RBFOX1: variants seen among roughly 807,000 people sequenced by gnomAD.
The protein encoded by RBFOX1 is RNA binding protein fox-1 homolog 1.
Under a neutral mutation model 57.7 loss-of-function variants are expected in RBFOX1, and 8 were observed. That is an observed-to-expected ratio of 0.14 (90% CI 0.08 to 0.25). RBFOX1 has a LOEUF of 0.25. Ranked by LOEUF, RBFOX1 falls within the 10% of genes least tolerant of loss-of-function variation. The pLI is 1.00. For synonymous variants in RBFOX1, 326 were observed against 222.4 expected, an observed-to-expected ratio of 1.47 and a Z score of -4.15; for missense variants, 611 against 548.5, an observed-to-expected ratio of 1.11 and a Z score of -1.14.
intron 4 of RBFOX1, among the ~76,000 whole-genome samples, chr16:7,168,254 T>C (rs2079970075): frequency 6.6e-6 from 1 of 152,148 alleles, no homozygotes; most frequent in Non-Finnish European, 1.5e-5. Context: ...ATCTAGAATT[T>C]TTGGAGAGTC....
chr16:5,752,473 A>T (rs193166838), intron 3 of RBFOX1, among the ~76,000 whole-genome samples: 5 of 152,224 alleles, frequency 3.3e-5, no homozygotes, highest in Non-Finnish European at 7.3e-5. Flanking sequence ...ACAATCAACT[A>T]TTAAAAGGGC....
At chr16:6,537,208 G>A (rs756064494) in intron 2 of RBFOX1, among the ~76,000 whole-genome samples, 2 of 151,964 alleles carry the variant, frequency 1.3e-5, no homozygotes, top group African/African-American at 4.8e-5. Flanking sequence ...CCTGAGATTC[G>A]GCACTTCTAA....
At chr16:5,398,490 T>A (rs372688776) in intron 1 of RBFOX1, among the ~76,000 whole-genome samples, 3 of 151,730 alleles carry the variant, frequency 2.0e-5, no homozygotes, top group East Asian at 3.9e-4. Context: ...GCACTTGTGC[T>A]TGTGGGTGTG....
At chr16:7,216,226 C>T (rs892974209) in intron 4 of RBFOX1, among the ~76,000 whole-genome samples, 4 of 152,186 alleles carry the variant, frequency 2.6e-5, no homozygotes, top group Non-Finnish European at 5.9e-5. Flanking sequence ...TATTGTGAAT[C>T]ATGCCACTAT....
At chr16:6,676,452 C>G (rs889100858) in intron 3 of RBFOX1, among the ~76,000 whole-genome samples, 9 of 151,988 alleles carry the variant, frequency 5.9e-5, no homozygotes, top group Admixed American at 4.6e-4. Context: ...GTATAGCAAC[C>G]AAGAGAGGAG....
chr16:6,054,853 G>C lies in RBFOX1; in HGVS notation c.-127+34861G>C, dbSNP rs185489556. ...GCTGGAGTGCAGTGACACAATCTTG[G>C]TTCACTGCAACCTCTGCCTCTTGGG... is the stretch of plus-strand genomic sequence containing the variant. On this transcript the variant is annotated intron_variant, in intron 1 of 15. Coordinates refer to ENST00000550418, the MANE Select transcript of RBFOX1 (RefSeq NM_018723.4). Among the ~76,000 whole-genome samples, 3 of 152,114 alleles carry C rather than the reference G, an allele frequency of 2.0e-5. No individual in the cohort carries two copies. The East Asian group carries it at 5.8e-4, about 30-fold the overall frequency.
intron 2 of RBFOX1, among the ~76,000 whole-genome samples, chr16:5,559,584 C>T (rs1416824896): frequency 6.6e-6 from 1 of 152,180 alleles, no homozygotes; most frequent in Non-Finnish European, 1.5e-5. Flanking sequence ...TTGAACCTGG[C>T]CTGGTTCCCC....
At chr16:6,740,278 ATG>A (rs1380758046) in intron 3 of RBFOX1, among the ~76,000 whole-genome samples, 3 of 152,216 alleles carry the variant, frequency 2.0e-5, no homozygotes, top group African/African-American at 7.2e-5. Flanking sequence ...GATAAAGGAT[ATG>A]TGCAAAAAAC....
chr16:5,446,010 GA>G (rs1173772860), intron 1 of RBFOX1, among the ~76,000 whole-genome samples: 3 of 152,156 alleles, frequency 2.0e-5, no homozygotes, highest in Non-Finnish European at 2.9e-5. Flanking sequence ...CAATCACATT[GA>G]TTTTTTGTTG....
intron 3 of RBFOX1, among the ~76,000 whole-genome samples, chr16:6,755,050 C>A (rs2075567728): frequency 6.6e-6 from 1 of 152,162 alleles, no homozygotes; most frequent in Non-Finnish European, 1.5e-5. Flanking sequence ...TTTTTTATGG[C>A]TGCATAGTAT....
intron 1 of RBFOX1, among the ~76,000 whole-genome samples, chr16:5,275,745 A>G (rs2063124641): frequency 6.6e-6 from 1 of 152,240 alleles, no homozygotes; most frequent in Non-Finnish European, 1.5e-5. Context: ...ACTAAGCAAA[A>G]AGAACCAATC....
At chr16:5,454,763 C>CCT (rs373260399) in intron 1 of RBFOX1, among the ~76,000 whole-genome samples, 856 of 36,922 alleles carry the variant, frequency 0.023, 29 homozygotes, top group Non-Finnish European at 0.028. Flanking sequence ...TCTTTTCTTT[C>CCT]TTTCTCTTTC....
At chr16:7,689,228 C>A (rs185436641) in intron 14 of RBFOX1, among the ~76,000 whole-genome samples, 1 of 152,120 alleles carries the variant, frequency 6.6e-6, no homozygotes, top group African/African-American at 2.4e-5. Flanking sequence ...CAGCCTTCTC[C>A]CTTAAACTCA....
In RBFOX1 at chr16:5,588,216, G is replaced by T. The variant is rs375031977; in HGVS notation, c.259-10686G>T. Among the ~76,000 whole-genome samples, 93 of 152,252 alleles carry T rather than the reference G, an allele frequency of 6.1e-4. No homozygotes were observed. In the South Asian group the frequency reaches 0.01, roughly 17 times the overall value. ...CTTGGGGCTGTGGGAATGGGGGGAT[G>T]GGGGATGGAGGATGGAGGTGATGGA... On this transcript the variant is annotated intron_variant, in intron 2 of 2. Transcript: ENST00000585867.
chr16:6,275,382 C>A (rs766803429), intron 1 of RBFOX1, among the ~76,000 whole-genome samples: 4 of 152,180 alleles, frequency 2.6e-5, no homozygotes, highest in Non-Finnish European at 1.5e-5. Flanking sequence ...TGAACACTCA[C>A]TGTAATAACA....
At chr16:5,528,811 G>A (rs1199725986) in intron 2 of RBFOX1, among the ~76,000 whole-genome samples, 1 of 151,806 alleles carries the variant, frequency 6.6e-6, no homozygotes, top group Non-Finnish European at 1.5e-5. Flanking sequence ...CACCATGCTT[G>A]GCTAATTTTT....
chr16:6,259,051 C>T (rs1567795002), intron 1 of RBFOX1, among the ~76,000 whole-genome samples: 1 of 152,152 alleles, frequency 6.6e-6, no homozygotes, highest in African/African-American at 2.4e-5. Context: ...TTGTTATTTG[C>T]TTCTGACAGG....
chr16:6,861,822 G>GTT lies in RBFOX1; in HGVS notation c.-15-190235_-15-190234insTT, dbSNP rs1285793325. Among the ~76,000 whole-genome samples, 246 of 65,488 alleles carry GTT rather than the reference G, an allele frequency of 3.8e-3. 1 individual carries two copies. The highest frequency in any genetic ancestry group is 5.9e-3 in the Non-Finnish European group (211 of 35,936). 43.0% of individuals were successfully genotyped at this position (65,488 alleles called of 152,430 possible). Reference sequence around the variant, plus strand: ...CCCTCTTTCCTAGCCAGCGTCCCTTGGTTTTTTTTTTTTTTTTTTTTTGGT... The same window carrying GTT: ...CCCTCTTTCCTAGCCAGCGTCCCTTGTTGTTTTTTTTTTTTTTTTTTTTTGGT... On this transcript the variant is annotated intron_variant, in intron 3 of 15. Coordinates refer to ENST00000550418, the MANE Select transcript of RBFOX1 (RefSeq NM_018723.4).
chr16:7,635,340 A>G (rs924110917), intron 11 of RBFOX1, among the ~76,000 whole-genome samples: 2 of 152,186 alleles, frequency 1.3e-5, no homozygotes, highest in Non-Finnish European at 2.9e-5. Context: ...GTAAATGTTT[A>G]TTTTGTTTTC....
Sources: allele counts gnomAD v4.1 joint callset (sites outside exome capture counted in the v4.1 genomes callset), GRCh38; gene constraint gnomAD v4.1.1; transcripts MANE v1.5; gene names NCBI Gene and HGNC (gene_info 2026-07-23, HGNC 2026-07-21).